OPCML: variants seen among roughly 807,000 people sequenced by gnomAD.
OPCML encodes opioid binding protein/cell adhesion molecule like.
Under a neutral mutation model 37.8 loss-of-function variants are expected in OPCML, and 13 were observed. The ratio of observed to expected loss-of-function variants is 0.34; its 90% CI spans 0.22 to 0.55. The LOEUF (loss-of-function observed/expected upper bound fraction) is 0.55, where lower values mean the gene tolerates loss of function less well. OPCML is among the 20% of genes least tolerant of loss of function. OPCML has a pLI of 0.91. For missense variants in OPCML, 341 were observed against 435.6 expected (o/e 0.78, Z 1.93); for synonymous variants, 176 against 168.8 (o/e 1.04, Z -0.33).
chr11:132,702,078 T>C (rs1417215146), intron 2 of OPCML, among the ~76,000 whole-genome samples: 4 of 152,210 alleles, frequency 2.6e-5, no homozygotes, highest in African/African-American at 4.8e-5. Context: ...ACTATTATAC[T>C]AGAGTTAAAA....
Position 133,257,215 on chromosome 11 carries a change from C to T in OPCML, c.61+275049G>A, listed in dbSNP as rs561508056. 5.1e-4 allele frequency among the ~76,000 whole-genome samples: 78 copies of T among 152,304 alleles called. 1 individual carries two copies. The South Asian group carries it at 7.3e-3, about 14-fold the overall frequency. On this transcript the variant is annotated intron_variant, in intron 1 of 7. Transcript: ENST00000524381. Reference sequence around the variant, plus strand: ...AGGTATGAAAGAAGCATTTAGAATTCGTCTCAGTAAGTTGTATTTCTATCT... The same window carrying T: ...AGGTATGAAAGAAGCATTTAGAATTTGTCTCAGTAAGTTGTATTTCTATCT...
chr11:132,496,006 T>C (rs2096230159), intron 4 of OPCML, among the ~76,000 whole-genome samples: 1 of 152,004 alleles, frequency 6.6e-6, no homozygotes, highest in East Asian at 1.9e-4. Flanking sequence ...AGAAGTAGCA[T>C]CATAAAAATC....
intron 2 of OPCML, among the ~76,000 whole-genome samples, chr11:132,902,263 C>A (rs1263664444): frequency 1.3e-5 from 2 of 152,068 alleles, no homozygotes; most frequent in Non-Finnish European, 2.9e-5. Context: ...AGTTGTTAGC[C>A]CGATGGGGAT....
intron 3 of OPCML, among the ~76,000 whole-genome samples, chr11:132,555,323 C>T (rs548606867): frequency 7.2e-5 from 11 of 152,058 alleles, no homozygotes; most frequent in Non-Finnish European, 1.5e-4. Context: ...GCACATCTTA[C>T]ACGGCAGCAG....
chr11:132,544,421 G>C (rs1454194884), intron 3 of OPCML, among the ~76,000 whole-genome samples: 1 of 152,126 alleles, frequency 6.6e-6, no homozygotes, highest in Non-Finnish European at 1.5e-5. Context: ...AATGCTGCAG[G>C]GATTTTATCA....
At chr11:132,619,796 G>C (rs1438890240) in intron 3 of OPCML, among the ~76,000 whole-genome samples, 1 of 146,450 alleles carries the variant, frequency 6.8e-6, no homozygotes, top group Non-Finnish European at 1.5e-5. Context: ...AGCTTGCAGC[G>C]AGCGGAGATC....
At chr11:132,545,891 G>T (rs1471232843) in intron 3 of OPCML, among the ~76,000 whole-genome samples, 2 of 152,160 alleles carry the variant, frequency 1.3e-5, no homozygotes, top group Admixed American at 6.5e-5. Context: ...CACAAGACTT[G>T]TAAAGTGTGT....
chr11:133,390,284 C>G (rs112195883), intron 1 of OPCML, among the ~76,000 whole-genome samples: 15,804 of 151,884 alleles, frequency 0.1, 915 homozygotes, highest in East Asian at 0.14. Context: ...ACGCTGAAAC[C>G]CCGTCTCTAC....
chr11:133,131,753 G>T (rs1949607721), intron 1 of OPCML, among the ~76,000 whole-genome samples: 1 of 152,162 alleles, frequency 6.6e-6, no homozygotes, highest in Admixed American at 6.5e-5. Flanking sequence ...TTCAAGTGCT[G>T]TCTTAACATG....
chr11:132,846,380 T>C (rs553081310), intron 2 of OPCML, among the ~76,000 whole-genome samples: 31 of 152,286 alleles, frequency 2.0e-4, no homozygotes, highest in African/African-American at 7.5e-4. Flanking sequence ...TACATTGGAG[T>C]TGGCAGATAA....
intron 2 of OPCML, among the ~76,000 whole-genome samples, chr11:132,887,661 C>T (rs572664892): frequency 5.9e-5 from 9 of 152,238 alleles, no homozygotes; most frequent in African/African-American, 1.2e-4. Context: ...TTTTATAGAA[C>T]GATCACTTTT....
At chr11:133,113,772 C>T (rs1949291995) in intron 1 of OPCML, among the ~76,000 whole-genome samples, 1 of 152,332 alleles carries the variant, frequency 6.6e-6, no homozygotes, top group South Asian at 2.1e-4. Context: ...GTATTTATGA[C>T]TCTTTCCCCA....
At chr11:133,335,684 C>G (rs1199576508) in intron 1 of OPCML, among the ~76,000 whole-genome samples, 1 of 152,200 alleles carries the variant, frequency 6.6e-6, no homozygotes, top group African/African-American at 2.4e-5. Flanking sequence ...CATCCTCACT[C>G]TCATTCCAAA....
At chr11:133,014,987 T>C (rs1376015775) in intron 1 of OPCML, among the ~76,000 whole-genome samples, 2 of 152,080 alleles carry the variant, frequency 1.3e-5, no homozygotes, top group Non-Finnish European at 2.9e-5. Context: ...CGTCCAGCAA[T>C]CGAAATGGAT....
At chr11:132,821,786 C>T (rs974832963) in intron 2 of OPCML, among the ~76,000 whole-genome samples, 3 of 152,176 alleles carry the variant, frequency 2.0e-5, no homozygotes, top group African/African-American at 4.8e-5. Flanking sequence ...CCTTCCTCCC[C>T]TTCTCACCCC....
At chr11:132,781,314 A>T (rs1947004744) in intron 2 of OPCML, among the ~76,000 whole-genome samples, 1 of 151,922 alleles carries the variant, frequency 6.6e-6, no homozygotes, top group Admixed American at 6.6e-5. Flanking sequence ...CCCAAATAGG[A>T]CAGAAGAACT....
chr11:133,381,655 A>G (rs1336994027), intron 1 of OPCML, among the ~76,000 whole-genome samples: 2 of 152,202 alleles, frequency 1.3e-5, no homozygotes, highest in Admixed American at 6.5e-5. Flanking sequence ...TCTGATGTAG[A>G]GACAGAAGGA....
chr11:133,243,350 G>A (rs187923381), intron 1 of OPCML, among the ~76,000 whole-genome samples: 1 of 152,308 alleles, frequency 6.6e-6, no homozygotes, highest in East Asian at 1.9e-4. Context: ...TTAACAGTGA[G>A]TGGAGTGAGC....
intron 2 of OPCML, among the ~76,000 whole-genome samples, chr11:132,728,913 C>T (rs1446543489): frequency 6.6e-6 from 1 of 152,030 alleles, no homozygotes; most frequent in African/African-American, 2.4e-5. Context: ...CTTTCTACCA[C>T]CCCAATGCTG....
Sources: gnomAD v4.1 joint callset for allele counts (sites outside exome capture counted in the v4.1 genomes callset) on GRCh38, gnomAD v4.1.1 for gene constraint, MANE v1.5 for transcripts, NCBI Gene and HGNC (gene_info 2026-07-23, HGNC 2026-07-21) for gene names.